The following RHOJ variants were observed in gnomAD, a reference collection of about 807,000 sequenced individuals.
RHOJ encodes rho-related GTP-binding protein RhoJ.
RHOJ carries 11 observed loss-of-function variants against 23.4 expected under a neutral mutation model. The observed-to-expected ratio is 0.47, with a 90% CI of 0.30 to 0.78. RHOJ has a LOEUF of 0.78. RHOJ is among the 30% of genes least tolerant of loss of function. The pLI, the probability that RHOJ is intolerant of heterozygous loss-of-function variation, is 0.08. For synonymous variants in RHOJ, 102 were observed against 102.7 expected (o/e 0.99, Z 0.04); for missense variants, 254 against 273.4 (o/e 0.93, Z 0.50).
At chr14:63,282,285 T>TGC (rs1491143574) in intron 3 of RHOJ, among the ~76,000 whole-genome samples, 37 of 116,256 alleles carry the variant, frequency 3.2e-4, no homozygotes, top group Non-Finnish European at 4.9e-4. Flanking sequence ...CACAAACACA[T>TGC]GCACACACAC....
chr14:63,221,052 G>A (rs1170170036), intron 1 of RHOJ, among the ~76,000 whole-genome samples: 3 of 152,110 alleles, frequency 2.0e-5, no homozygotes, highest in Non-Finnish European at 4.4e-5. Flanking sequence ...GCTCGGGCTG[G>A]GCACAGTGGC....
At chr14:63,279,190 G>C (rs1881822030) in intron 2 of RHOJ, among the ~76,000 whole-genome samples, 1 of 152,184 alleles carries the variant, frequency 6.6e-6, no homozygotes, top group Non-Finnish European at 1.5e-5. Flanking sequence ...ATGAAGAGTA[G>C]TCATGCCCCT....
At chr14:63,268,733 G>A (rs1388649892) in intron 1 of RHOJ, among the ~76,000 whole-genome samples, 3 of 152,130 alleles carry the variant, frequency 2.0e-5, no homozygotes, top group Non-Finnish European at 4.4e-5. Flanking sequence ...TCTGTGCCCT[G>A]AAAGGTGTCT....
At chr14:63,231,893 G>A (rs776817168) in intron 1 of RHOJ, among the ~76,000 whole-genome samples, 1 of 152,132 alleles carries the variant, frequency 6.6e-6, no homozygotes, top group Non-Finnish European at 1.5e-5. Flanking sequence ...TATATCCAGG[G>A]AAGAGCAAAT....
intron 2 of RHOJ, among the ~76,000 whole-genome samples, chr14:63,273,654 C>A (rs773728474): frequency 4.6e-5 from 7 of 152,222 alleles, no homozygotes; most frequent in Non-Finnish European, 1.0e-4. Context: ...AGCCATAGTA[C>A]TAAGACAAGG....
At chr14:63,216,799 G>T (rs12232155) in intron 1 of RHOJ, among the ~76,000 whole-genome samples, 7,444 of 152,176 alleles carry the variant, frequency 0.049, 318 homozygotes, top group African/African-American at 0.11. Context: ...TTGCTGTAAA[G>T]ATCCTACTCT....
At chr14:63,280,477 T>C (rs1594777287) in intron 2 of RHOJ, among the ~76,000 whole-genome samples, 1 of 152,310 alleles carries the variant, frequency 6.6e-6, no homozygotes, top group East Asian at 1.9e-4. Flanking sequence ...ATGATAACTA[T>C]AGTTAATAAT....
intron 1 of RHOJ, among the ~76,000 whole-genome samples, chr14:63,231,296 A>C (rs1449433742): frequency 6.6e-6 from 1 of 152,170 alleles, no homozygotes; most frequent in African/African-American, 2.4e-5. Flanking sequence ...TTTATAGTGG[A>C]TGTAAGAGAG....
chr14:63,249,607 A>C (rs1895033235), intron 1 of RHOJ, among the ~76,000 whole-genome samples: 1 of 152,202 alleles, frequency 6.6e-6, no homozygotes, highest in Non-Finnish European at 1.5e-5. Context: ...GTTAGAGAAA[A>C]CTGAAAATAG....
intron 1 of RHOJ, among the ~76,000 whole-genome samples, chr14:63,211,790 T>C (rs1894243824): frequency 6.6e-6 from 1 of 152,150 alleles, no homozygotes; most frequent in Middle Eastern, 3.2e-3. Flanking sequence ...TTCTCAACTT[T>C]CCTGATGAAC....
chr14:63,237,434 A>C (rs1478282288), intron 1 of RHOJ, among the ~76,000 whole-genome samples: 1 of 152,236 alleles, frequency 6.6e-6, no homozygotes, highest in Non-Finnish European at 1.5e-5. Context: ...TGTCAGATCA[A>C]TTGCAGTCCC....
At chr14:63,280,502 T>A (rs1881864518) in intron 2 of RHOJ, among the ~76,000 whole-genome samples, 1 of 152,174 alleles carries the variant, frequency 6.6e-6, no homozygotes, top group Non-Finnish European at 1.5e-5. Context: ...TATTGCATAC[T>A]GGAAATATGC....
intron 1 of RHOJ, among the ~76,000 whole-genome samples, chr14:63,237,596 A>G (rs569026106): frequency 5.9e-5 from 9 of 152,338 alleles, no homozygotes; most frequent in African/African-American, 2.2e-4. Flanking sequence ...TCCAATACAC[A>G]CTTGTTAAGT....
chr14:63,275,220 G>A (rs2139659796), intron 2 of RHOJ, among the ~76,000 whole-genome samples: 1 of 152,250 alleles, frequency 6.6e-6, no homozygotes, highest in Admixed American at 6.5e-5. Context: ...TGGGAGGCTG[G>A]AGAAAGGATC....
chr14:63,211,177 G>A (rs1205384041), intron 1 of RHOJ, among the ~76,000 whole-genome samples: 2 of 152,026 alleles, frequency 1.3e-5, no homozygotes, highest in African/African-American at 4.8e-5. Flanking sequence ...TGGGAAACAG[G>A]TCCAATCCAC....
intron 1 of RHOJ, among the ~76,000 whole-genome samples, chr14:63,238,406 CATTTT>C (rs1181137486): frequency 1.3e-5 from 2 of 151,954 alleles, no homozygotes; most frequent in Non-Finnish European, 2.9e-5. Context: ...TTGAGCTATG[CATTTT>C]ATTTATTATT....
At chr14:63,212,667 T>C (rs963678424) in intron 1 of RHOJ, among the ~76,000 whole-genome samples, 4 of 152,172 alleles carry the variant, frequency 2.6e-5, no homozygotes, top group Non-Finnish European at 5.9e-5. Context: ...CTGATGACAA[T>C]CCTGATAGTA....
intron 1 of RHOJ, among the ~76,000 whole-genome samples, chr14:63,249,875 C>T (rs1187005287): frequency 6.6e-6 from 1 of 152,182 alleles, no homozygotes; most frequent in African/African-American, 2.4e-5. Flanking sequence ...AACCACTGCT[C>T]TTAGTAGAAC....
chr14:63,228,099 T>C (rs1397734734), intron 1 of RHOJ, among the ~76,000 whole-genome samples: 4 of 152,196 alleles, frequency 2.6e-5, no homozygotes, highest in African/African-American at 9.6e-5. Context: ...GATTCTATTG[T>C]CCTATGAGCA....
Sources: allele counts gnomAD v4.1 joint callset (sites outside exome capture counted in the v4.1 genomes callset), GRCh38; gene constraint gnomAD v4.1.1; transcripts MANE v1.5; gene names NCBI Gene and HGNC (gene_info 2026-07-23, HGNC 2026-07-21).